DLG4: variants seen among roughly 807,000 people sequenced by gnomAD.
DLG4 encodes the protein disks large homolog 4.
DLG4 carries 7 observed loss-of-function variants against 93.8 expected under a neutral mutation model. The ratio of observed to expected loss-of-function variants is 0.07; its 90% CI spans 0.04 to 0.14. The LOEUF (loss-of-function observed/expected upper bound fraction) is 0.14. DLG4 is among the 10% of genes least tolerant of loss of function. The pLI is 1.00. For synonymous variants in DLG4, 341 were observed against 387.6 expected, an observed-to-expected ratio of 0.88 and a Z score of 1.41; for missense variants, 545 against 992.9, an observed-to-expected ratio of 0.55 and a Z score of 6.06.
Position 7,208,892 on chromosome 17 carries a change from C to T in DLG4, c.31-653G>A, listed in dbSNP as rs73976745. 0.073 allele frequency among the ~76,000 whole-genome samples: 11,055 copies of T among 152,078 alleles called. 1,349 individuals carry two copies. Among genetic ancestry groups the T allele is most frequent in the African/African-American group, 0.25 (10,335 of 41,364 alleles). ...TATCAGCCCCCGAGACAGGACAAGG[C>T]TAAGCCTGTCCAGTTCACTGCCCTT... On this transcript the variant is annotated intron_variant, in intron 1 of 19. Transcript: ENST00000399506. This position sits in a 1 kb window ranked among gnomAD's most constrained non-coding sequence, Gnocchi z 5.4.
intron 1 of DLG4, chr17:7,213,700 C>A (rs2070796243): frequency 2.2e-6 from 1 of 458,884 alleles, no homozygotes; most frequent in Non-Finnish European, 4.6e-6. Context: ...TGAACGCCCA[C>A]CCTTCCAGCT....
chr17:7,216,259 C>G (rs1454628033), intron 1 of DLG4, among the ~76,000 whole-genome samples: 1 of 152,110 alleles, frequency 6.6e-6, no homozygotes, highest in Non-Finnish European at 1.5e-5. Flanking sequence ...TTGATCAGGG[C>G]TAGATACAGT....
At position 7,196,213 on chromosome 17, in the gene DLG4, C is replaced by CTCT; in HGVS notation, c.1301+4_1301+6dup. 4 of 1,611,488 alleles carry CTCT rather than the reference C, an allele frequency of 2.5e-6. No individual in the cohort carries two copies. Among genetic ancestry groups the CTCT allele is most frequent in the Non-Finnish European group, 3.4e-6 (4 of 1,178,206 alleles). On this transcript the variant is annotated splice_region_variant and intron_variant, in intron 11 of 19. Coordinates refer to ENST00000399506, the MANE Select transcript of DLG4 (RefSeq NM_001321075.3). The surrounding 1 kb of genome is among the most constrained non-coding windows in gnomAD (Gnocchi z 8.3). ...GGCTGAGGAGTCCAGCCCGGGAAGC[C>CTCT]TCTGACCTGATGTAGAAACCCCTTT...
chr17:7,199,944 C>A (rs540536137), intron 8 of DLG4, among the ~76,000 whole-genome samples: 169 of 146,630 alleles, frequency 1.2e-3, no homozygotes, highest in African/African-American at 3.7e-3. Flanking sequence ...CGTGCCACTG[C>A]ACTCCAGCCT....
In DLG4 at chr17:7,191,689, GA is replaced by G. The variant is rs1007613366; in HGVS notation, c.1976+203del. The G allele has an allele frequency of 8.1e-5, 47 of 581,666 alleles. No homozygotes were observed. The African/African-American group carries it at 8.4e-4, about 10-fold the overall frequency. The allele number at this position is 581,666 out of a possible 1,614,324, so 36.0% of individuals were successfully genotyped here. ...GCTGGTATGCCCCAGGGGCTGCTGGGAAATGTAGTCCTGTCTAGCCAAGGCA... is the reference window on the plus strand; with the variant it reads ...GCTGGTATGCCCCAGGGGCTGCTGGGAATGTAGTCCTGTCTAGCCAAGGCA... On this transcript the variant is annotated intron_variant, in intron 18 of 19. Transcript: ENST00000399506. The surrounding 1 kb of genome is among the most constrained non-coding windows in gnomAD (Gnocchi z 6.6).
In DLG4 at chr17:7,191,010, G is replaced by A. The variant is rs553920786; in HGVS notation, c.2069-196C>T. Among the ~76,000 whole-genome samples, 15 of 133,848 alleles carry A rather than the reference G, an allele frequency of 1.1e-4. No individual in the cohort carries two copies. The highest frequency in any genetic ancestry group is 4.1e-4 in the Admixed American group (5 of 12,340). The allele number at this position is 133,848 out of a possible 152,430, so 87.8% of individuals were successfully genotyped here. A position where few individuals can be genotyped will look rare whatever the true frequency, so the allele number is the denominator to read the frequency against. ...TTTGAGATTGAGTTTTGCTCTTAGC[G>A]CCAGGCTGGAGTGCAGTGGTGCGAT... is the stretch of plus-strand genomic sequence containing the variant. On this transcript the variant is annotated intron_variant, in intron 19 of 19. Transcript: ENST00000399506. The surrounding 1 kb of genome is among the most constrained non-coding windows in gnomAD (Gnocchi z 6.6).
At chr17:7,192,797 T>G in intron 17 of DLG4, 148 bp downstream of exon 17, 2 of 851,638 alleles carry the variant, frequency 2.3e-6, no homozygotes, top group Non-Finnish European at 3.5e-6. Context: ...TCAGACAGAG[T>G]TGCCCAAGAG....
Position 7,208,146 on chromosome 17 carries a change from C to A in DLG4, c.96+28G>T, listed in dbSNP as rs754894301. 4.5e-6 allele frequency: 6 copies of A among 1,318,902 alleles called. No homozygotes were observed. In the Admixed American group the frequency reaches 1.8e-4, roughly 40 times the overall value. The allele number at this position is 1,318,902 out of a possible 1,614,324, so 81.7% of individuals were successfully genotyped here. A position where few individuals can be genotyped will look rare whatever the true frequency, so the allele number is the denominator to read the frequency against. ...TCGAGGTGGGACAAGTTCCTCTCCGCCACGTGCACCAGCTCGGGGGCGTTT... is the reference window on the plus strand; with the variant it reads ...TCGAGGTGGGACAAGTTCCTCTCCGACACGTGCACCAGCTCGGGGGCGTTT... On this transcript the variant is annotated intron_variant, in intron 2 of 19. Coordinates refer to ENST00000399506, the MANE Select transcript of DLG4 (RefSeq NM_001321075.3). The surrounding 1 kb of genome is among the most constrained non-coding windows in gnomAD (Gnocchi z 5.4).
At chr17:7,209,657 C>T (rs893604873) in intron 1 of DLG4, among the ~76,000 whole-genome samples, 7 of 152,120 alleles carry the variant, frequency 4.6e-5, no homozygotes, top group African/African-American at 1.7e-4. Flanking sequence ...GTAGTCCCAA[C>T]TGCTAAGGAG....
At position 7,196,491 on chromosome 17, in the gene DLG4, C is replaced by T. The variant is rs771585307; in HGVS notation, c.1168G>A (p.Ala390Thr). ...KNAGQTVTIIAQYKPEEYSRF... is the reference protein window; with the variant it reads ...KNAGQTVTIITQYKPEEYSRF... ...CTGGTACCTTCTGGTTTATACTGAG[C>T]GATGATCGTGACCGTCTGACCCGCA... The change falls in exon 10 of 20, where the codon GCT becomes ACT. Residue 390 changes from alanine to threonine, a missense_variant. Transcript: ENST00000399506. This position sits in a 1 kb window ranked among gnomAD's most constrained non-coding sequence, Gnocchi z 8.3. 2.5e-6 allele frequency: 4 copies of T among 1,613,900 alleles called. No homozygotes were observed. The highest frequency in any genetic ancestry group is 1.3e-5 in the African/African-American group (1 of 74,932).
Position 7,190,827 on chromosome 17 carries a change from T to C in DLG4, c.2069-13A>G, listed in dbSNP as rs922567321. On this transcript the variant is annotated splice_polypyrimidine_tract_variant and intron_variant, in intron 19 of 19. Coordinates refer to ENST00000399506, the MANE Select transcript of DLG4 (RefSeq NM_001321075.3). Reference sequence around the variant, plus strand: ...CCCTCCACGATGGCTGGGAGTGGGGTGGAGCAGGGAGTGAGGCCAAGGAAG... The same window carrying C: ...CCCTCCACGATGGCTGGGAGTGGGGCGGAGCAGGGAGTGAGGCCAAGGAAG... The C allele has an allele frequency of 6.2e-7, 1 of 1,610,850 alleles. No homozygotes were observed. The highest frequency in any genetic ancestry group is 1.1e-5 in the South Asian group (1 of 90,978).
At chr17:7,219,243 G>A (rs73976748), upstream of DLG4, 11,777 of 370,484 alleles carry the variant, frequency 0.032, 1,286 homozygotes, top group African/African-American at 0.23. Flanking sequence ...TTACGGGTAA[G>A]AGGCAGGAGA....
At position 7,203,024 on chromosome 17, in the gene DLG4, G is replaced by A. The variant is rs762195099; in HGVS notation, c.666C>T (p.Asp222=). ...CTGCCACAGCATCTTCATGCATGAC[G>A]TCCTCTAGCCCCACACTGTTGACCT... The part of the protein sequence containing the change: ...ILAVNSVGLE[D]VMHEDAVAAL... The change falls in exon 8 of 20, where the codon GAC becomes GAT. Residue 222 remains aspartate, a synonymous_variant. Transcript: ENST00000399506. This position sits in a 1 kb window ranked among gnomAD's most constrained non-coding sequence, Gnocchi z 7.2. 1 of 1,611,204 alleles carries A rather than the reference G, an allele frequency of 6.2e-7. No individual in the cohort carries two copies. Among genetic ancestry groups the A allele is most frequent in the Non-Finnish European group, 8.5e-7 (1 of 1,177,616 alleles).
intron 1 of DLG4, among the ~76,000 whole-genome samples, chr17:7,215,191 G>A (rs1411869054): frequency 6.6e-6 from 1 of 152,178 alleles, no homozygotes; most frequent in African/African-American, 2.4e-5. Flanking sequence ...ACCATACCGA[G>A]GCTGACAAGT....
At position 7,194,031 on chromosome 17, in the gene DLG4, G is replaced by A; in HGVS notation, c.1479-31C>T. The stretch of plus-strand genomic sequence containing the variant: ...GGATACATGGAGGGATACGCGGGTA[G>A]GGGAATGCCTACCCCCTGCCACCCC... On this transcript the variant is annotated intron_variant, in intron 12 of 19. Transcript: ENST00000399506. The surrounding 1 kb of genome is among the most constrained non-coding windows in gnomAD (Gnocchi z 4.4). 1.9e-6 allele frequency: 3 copies of A among 1,611,066 alleles called. No individual in the cohort carries two copies. Among genetic ancestry groups the A allele is most frequent in the Non-Finnish European group, 1.7e-6 (2 of 1,178,828 alleles).
chr17:7,217,828 C>A, upstream of DLG4: 1 of 1,534,308 alleles, frequency 6.5e-7, no homozygotes, highest in South Asian at 1.2e-5. Flanking sequence ...GGCTGGATTT[C>A]ATTTCTTAGA....
chr17:7,193,539 C>T lies in DLG4; in HGVS notation c.1637G>A (p.Arg546His), dbSNP rs368187495. The T allele has an allele frequency of 4.6e-6, 7 of 1,535,756 alleles. No homozygotes were observed. Among genetic ancestry groups the T allele is most frequent in the East Asian group, 2.3e-5 (1 of 44,184 alleles). ...PIIILGPTKDRANDDLLSEFP... is the reference protein window; with the variant it reads ...PIIILGPTKDHANDDLLSEFP... Reference sequence around the variant, plus strand: ...CTCGGAGAGAAGATCATCGTTGGCGCGGTCCTTGGTGGGCCCAAGGATGAT... The same window carrying T: ...CTCGGAGAGAAGATCATCGTTGGCGTGGTCCTTGGTGGGCCCAAGGATGAT... Residue 546 changes from arginine to histidine, a missense_variant, in exon 16 of 20, where the codon CGC becomes CAC. Transcript: ENST00000399506. This position sits in a 1 kb window ranked among gnomAD's most constrained non-coding sequence, Gnocchi z 6.7.
In DLG4 at chr17:7,191,464, C is replaced by CA. The variant is rs112846923; in HGVS notation, c.1977-107dup. On this transcript the variant is annotated intron_variant, in intron 18 of 19. Transcript: ENST00000399506. This position sits in a 1 kb window ranked among gnomAD's most constrained non-coding sequence, Gnocchi z 6.6. ...GTATTCTTCTATTTGGAGCACATAG[C>CA]AAAAAAAAAAATACAATTCCCAATA... is the stretch of plus-strand genomic sequence containing the variant. The CA allele has an allele frequency of 0.049, 31,297 of 639,866 alleles. 1,526 individuals carry two copies. The highest frequency in any genetic ancestry group is 0.27 in the African/African-American group (14,134 of 53,012). 39.6% of individuals were successfully genotyped at this position (639,866 alleles called of 1,614,324 possible). A position where few individuals can be genotyped will look rare whatever the true frequency, so the allele number is the denominator to read the frequency against.
intron 17 of DLG4, chr17:7,192,310 C>T (rs1055630854): frequency 5.3e-5 from 19 of 357,036 alleles, no homozygotes; most frequent in African/African-American, 2.6e-4. Context: ...GGGGCAGCAG[C>T]GAGTGGGGCG....
Sources: allele counts gnomAD v4.1 joint callset (sites outside exome capture counted in the v4.1 genomes callset), GRCh38; gene constraint gnomAD v4.1.1; non-coding constraint Gnocchi (gnomAD v3.1); transcripts MANE v1.5; gene names NCBI Gene and HGNC (gene_info 2026-07-23, HGNC 2026-07-21).